Variants in RGS7 observed in about 807,000 individuals in gnomAD.
The protein encoded by RGS7 is regulator of G protein signaling 7.
Under a neutral mutation model 81.1 loss-of-function variants are expected in RGS7, and 27 were observed. That is an observed-to-expected ratio of 0.33 (90% CI 0.25 to 0.46). The LOEUF is 0.46. Among genes scored for constraint, RGS7 ranks in the 20% least tolerant of loss-of-function variants. The pLI is 1.00. For synonymous variants in RGS7, 208 were observed against 207.7 expected (o/e 1.00, Z -0.01); for missense variants, 396 against 607.4 (o/e 0.65, Z 3.66).
Position 241,243,225 on chromosome 1 carries a change from G to A in RGS7, c.78+112474C>T, listed in dbSNP as rs554481560. Among the ~76,000 whole-genome samples the A allele has an allele frequency of 9.7e-4, 147 of 152,198 alleles. 1 individual carries two copies. Among genetic ancestry groups the A allele is most frequent in the African/African-American group, 3.5e-3 (144 of 41,530 alleles). ...CATTGCATGTCAGATATTTAATCTT[G>A]ACACCTCCTCTCCGTCCAGAGCCAA... On this transcript the variant is annotated intron_variant, in intron 2 of 18. Coordinates refer to ENST00000440928, the MANE Select transcript of RGS7 (RefSeq NM_001364886.1).
At chr1:240,824,859 G>GTTGTT (rs1352145489) in intron 10 of RGS7, among the ~76,000 whole-genome samples, 1 of 152,082 alleles carries the variant, frequency 6.6e-6, no homozygotes, top group African/African-American at 2.4e-5. Flanking sequence ...CCCAGAGTTG[G>GTTGTT]TTGTTTTGTT....
chr1:241,192,384 C>T (rs1196462845), intron 2 of RGS7, among the ~76,000 whole-genome samples: 1 of 151,954 alleles, frequency 6.6e-6, no homozygotes, highest in Non-Finnish European at 1.5e-5. Flanking sequence ...GAACTCACTG[C>T]CATGTGGTTT....
At chr1:240,974,333 G>T (rs1683739475) in intron 4 of RGS7, among the ~76,000 whole-genome samples, 1 of 151,972 alleles carries the variant, frequency 6.6e-6, no homozygotes, top group African/African-American at 2.4e-5. Context: ...TTTACACTGG[G>T]TTTTGTTTAG....
At chr1:241,286,630 T>C (rs527901336) in intron 2 of RGS7, among the ~76,000 whole-genome samples, 5 of 152,312 alleles carry the variant, frequency 3.3e-5, no homozygotes, top group Admixed American at 1.3e-4. Context: ...TCGGAACTCC[T>C]CCTTCTCCTT....
chr1:241,063,270 T>C (rs2061843204), intron 3 of RGS7, among the ~76,000 whole-genome samples: 2 of 152,198 alleles, frequency 1.3e-5, no homozygotes, highest in African/African-American at 2.4e-5. Flanking sequence ...AGTATTAGCA[T>C]TGCACTATAA....
At chr1:240,853,693 CAGG>C (rs1660514950) in intron 9 of RGS7, among the ~76,000 whole-genome samples, 1 of 151,860 alleles carries the variant, frequency 6.6e-6, no homozygotes, top group Admixed American at 6.6e-5. Context: ...ATCACGAGGG[CAGG>C]AGGAGACCAT....
In RGS7 at chr1:241,163,639, T is replaced by C. The variant is rs1408619144; in HGVS notation, c.79-64877A>G. 6.6e-6 allele frequency among the ~76,000 whole-genome samples: 1 copy of C among 152,128 alleles called. No homozygotes were observed. The highest frequency in any genetic ancestry group is 1.5e-5 in the Non-Finnish European group (1 of 68,028). On this transcript the variant is annotated intron_variant, in intron 2 of 18. Transcript: ENST00000440928. The surrounding 1 kb of genome is among the most constrained non-coding windows in gnomAD (Gnocchi z 4.6). ...GATCTTTGCTAGCCAGGGCTCCTCT[T>C]CTCTCCCTCCCATAATCACAACCTG...
intron 3 of RGS7, among the ~76,000 whole-genome samples, chr1:241,089,358 G>A (rs1558701377): frequency 6.6e-6 from 1 of 151,578 alleles, no homozygotes; most frequent in African/African-American, 2.4e-5. Context: ...TACCATTTTG[G>A]CATATTGATT....
At chr1:240,846,245 G>A (rs1191899132) in intron 9 of RGS7, among the ~76,000 whole-genome samples, 1 of 152,062 alleles carries the variant, frequency 6.6e-6, no homozygotes, top group East Asian at 1.9e-4. Context: ...GTACTTTCAT[G>A]TTCATCTCAA....
intron 2 of RGS7, among the ~76,000 whole-genome samples, chr1:241,283,690 A>T (rs1173134654): frequency 1.3e-5 from 2 of 151,992 alleles, no homozygotes; most frequent in Non-Finnish European, 2.9e-5. Context: ...TTTTTCAGTC[A>T]TTATTTCTTT....
intron 2 of RGS7, among the ~76,000 whole-genome samples, chr1:241,190,293 G>T (rs2072538023): frequency 6.6e-6 from 1 of 152,000 alleles, no homozygotes; most frequent in Admixed American, 6.5e-5. Flanking sequence ...TTTCAAAATT[G>T]TTTTAGCTAT....
chr1:241,160,009 C>G (rs1192846972), intron 2 of RGS7, among the ~76,000 whole-genome samples: 1 of 150,412 alleles, frequency 6.6e-6, no homozygotes, highest in East Asian at 2.0e-4. Flanking sequence ...CCTTTTATTA[C>G]CTGTCAGAAA....
At chr1:241,305,215 C>G (rs1018496956) in intron 2 of RGS7, among the ~76,000 whole-genome samples, 1 of 152,170 alleles carries the variant, frequency 6.6e-6, no homozygotes, top group African/African-American at 2.4e-5. Context: ...CTTCTAACGC[C>G]ACTGATTAGT....
chr1:241,022,733 C>T (rs552198231), intron 3 of RGS7, among the ~76,000 whole-genome samples: 10 of 152,314 alleles, frequency 6.6e-5, no homozygotes, highest in African/African-American at 2.2e-4. Context: ...AACTCCATCT[C>T]CAACATGGCG....
At chr1:240,930,360 A>T (rs1558481551) in intron 6 of RGS7, among the ~76,000 whole-genome samples, 1 of 152,032 alleles carries the variant, frequency 6.6e-6, no homozygotes, top group Non-Finnish European at 1.5e-5. Context: ...TAAAAAGCAC[A>T]CAGCTAAGTG....
In RGS7 at chr1:241,271,008, C is replaced by T. The variant is rs375161009; in HGVS notation, c.78+84691G>A. Among the ~76,000 whole-genome samples the T allele has an allele frequency of 1.3e-5, 2 of 152,286 alleles. No homozygotes were observed. The highest frequency in any genetic ancestry group is 4.8e-5 in the African/African-American group (2 of 41,556). On this transcript the variant is annotated intron_variant, in intron 2 of 18. Transcript: ENST00000440928. The surrounding 1 kb of genome is among the most constrained non-coding windows in gnomAD (Gnocchi z 4.6). ...TCCTGACCTCGTGATCCGCCCGTCT[C>T]AGCCTCCCAAAGTGCTGGGATTCCA...
chr1:241,151,882 C>T (rs1003713656), intron 2 of RGS7, among the ~76,000 whole-genome samples: 1 of 152,098 alleles, frequency 6.6e-6, no homozygotes, highest in African/African-American at 2.4e-5. Flanking sequence ...TTCACATTGG[C>T]ACCCATCGAT....
chr1:241,147,780 T>TTATATATATATATATATATA lies in RGS7; in HGVS notation c.79-49038_79-49019dup, dbSNP rs200770896. On this transcript the variant is annotated intron_variant, in intron 2 of 18. Transcript: ENST00000440928. ...TTAAATATCCCATCTAGATTAAGTT[T>TTATATATATATATATATATA]TATATATATATATATATATATATAT... Among the ~76,000 whole-genome samples the TTATATATATATATATATATA allele has an allele frequency of 1.1e-3, 47 of 44,628 alleles. 5 individuals are homozygous for TTATATATATATATATATATA. The highest frequency in any genetic ancestry group is 1.4e-3 in the Non-Finnish European group (31 of 22,026). The allele number at this position is 44,628 out of a possible 152,430, so 29.3% of individuals were successfully genotyped here. A position where few individuals can be genotyped will look rare whatever the true frequency, so the allele number is the denominator to read the frequency against.
chr1:241,148,209 C>G (rs983408319), intron 2 of RGS7, among the ~76,000 whole-genome samples: 1 of 151,808 alleles, frequency 6.6e-6, no homozygotes, highest in Non-Finnish European at 1.5e-5. Context: ...TGCTACAATG[C>G]CCAGCTAATT....
Sources: gnomAD v4.1 joint callset for allele counts (sites outside exome capture counted in the v4.1 genomes callset) on GRCh38, gnomAD v4.1.1 for gene constraint, Gnocchi (gnomAD v3.1) non-coding constraint, MANE v1.5 for transcripts, NCBI Gene and HGNC (gene_info 2026-07-23, HGNC 2026-07-21) for gene names.